DNAH5: variants seen among roughly 807,000 people sequenced by gnomAD.
DNAH5 encodes the protein axonemal beta dynein heavy chain 5.
In DNAH5, 372 loss-of-function variants were observed where a neutral mutation model predicts 518.2. The ratio of observed to expected loss-of-function variants is 0.72; its 90% CI spans 0.66 to 0.78. The LOEUF (loss-of-function observed/expected upper bound fraction) is 0.78. DNAH5 is among the 30% of genes least tolerant of loss of function. The pLI is 0.00. For synonymous variants in DNAH5, 2,039 were observed against 2,025.9 expected (o/e 1.01, Z -0.17); for missense variants, 5,523 against 5,687.0 (o/e 0.97, Z 0.93).
intron 35 of DNAH5, among the ~76,000 whole-genome samples, chr5:13,838,049 A>T (rs1764644845): frequency 2.6e-5 from 4 of 152,060 alleles, no homozygotes; most frequent in Non-Finnish European, 5.9e-5. Flanking sequence ...TCGTCATTGT[A>T]TATTATTGTG....
chr5:13,761,006 G>A (rs537102025), intron 60 of DNAH5, among the ~76,000 whole-genome samples: 1 of 152,196 alleles, frequency 6.6e-6, no homozygotes, highest in Non-Finnish European at 1.5e-5. Context: ...CTAGATACTT[G>A]TAAGAATATA....
At chr5:13,750,706 T>G (rs559571338) in intron 65 of DNAH5, among the ~76,000 whole-genome samples, 2 of 152,298 alleles carry the variant, frequency 1.3e-5, no homozygotes, top group South Asian at 2.1e-4. Flanking sequence ...AACCTAGATG[T>G]GTACTAGAAA....
In DNAH5 at chr5:13,922,657, G is replaced by A. The variant is rs188131275; in HGVS notation, c.439-329C>T. On this transcript the variant is annotated intron_variant, in intron 4 of 78. Coordinates refer to ENST00000265104, the MANE Select transcript of DNAH5 (RefSeq NM_001369.3). ...CAGGAGAAATCGCTTGAATCCAGGAGGCAGAGGCTGCAGTGAGCCAAGATG... is the reference window on the plus strand; with the variant it reads ...CAGGAGAAATCGCTTGAATCCAGGAAGCAGAGGCTGCAGTGAGCCAAGATG... Among the ~76,000 whole-genome samples the A allele has an allele frequency of 7.3e-5, 11 of 150,594 alleles. No individual in the cohort carries two copies. The East Asian group carries it at 1.8e-3, about 24-fold the overall frequency.
intron 55 of DNAH5, among the ~76,000 whole-genome samples, chr5:13,775,277 T>C (rs1408853923): frequency 2.0e-5 from 3 of 152,108 alleles, no homozygotes; most frequent in Non-Finnish European, 4.4e-5. Context: ...TGTTAAAATA[T>C]TCTGTGTTTA....
chr5:13,829,586 C>A lies in DNAH5; in HGVS notation c.6368G>T (p.Gly2123Val). The change falls in exon 38 of 79, where the codon GGC becomes GTC. Residue 2123 changes from glycine (G) to valine (V), a missense_variant. Transcript: ENST00000265104. ...GGCCAAAACAACGTTGTCAATGAAG[C>A]CACAACTAGCCAACTTCACCCTTAT... ...IIIRVKLASCGFIDNVVLARK... is the reference protein window; with the variant it reads ...IIIRVKLASCVFIDNVVLARK... The A allele has an allele frequency of 6.2e-7, 1 of 1,614,168 alleles. No homozygotes were observed.
At chr5:13,699,782 G>A (rs890735305) in intron 78 of DNAH5, among the ~76,000 whole-genome samples, 11 of 152,108 alleles carry the variant, frequency 7.2e-5, no homozygotes, top group African/African-American at 2.7e-4. Context: ...AGAATCTTTT[G>A]TGCTTCTATC....
chr5:13,691,665 G>C lies in DNAH5; in HGVS notation c.*319C>G. On this transcript the variant is annotated 3_prime_UTR_variant, in exon 79 of 79. Coordinates refer to ENST00000265104, the MANE Select transcript of DNAH5 (RefSeq NM_001369.3). ...GAATAATTCCTCCCAGAGAAATACT[G>C]TCTGCTTACCCTAGTCAGTCTTCGG... 3.2e-6 allele frequency: 1 copy of C among 313,716 alleles called. No homozygotes were observed. The highest frequency in any genetic ancestry group is 4.6e-5 in the Admixed American group (1 of 21,508). 19.4% of individuals were successfully genotyped at this position (313,716 alleles called of 1,614,324 possible). A position where few individuals can be genotyped will look rare whatever the true frequency, so the allele number is the denominator to read the frequency against.
At chr5:13,727,361 T>C in intron 70 of DNAH5, 146 bp downstream of exon 70, 1 of 796,554 alleles carries the variant, frequency 1.3e-6, no homozygotes, top group Non-Finnish European at 1.9e-6. Flanking sequence ...TACTTTTCCA[T>C]TTTTCACACA....
At position 13,701,020 on chromosome 5, in the gene DNAH5, A is replaced by G. The variant is rs1742035503; in HGVS notation, c.13492-149T>C. 4.2e-6 allele frequency: 4 copies of G among 962,448 alleles called. No individual in the cohort carries two copies. The South Asian group carries it at 4.3e-5, about 10-fold the overall frequency. The allele number at this position is 962,448 out of a possible 1,614,324, so 59.6% of individuals were successfully genotyped here. A position where few individuals can be genotyped will look rare whatever the true frequency, so the allele number is the denominator to read the frequency against. On this transcript the variant is annotated intron_variant, in intron 77 of 78. Coordinates refer to ENST00000265104, the MANE Select transcript of DNAH5 (RefSeq NM_001369.3). ...GAATTAGCAAGATTCCCTCATTAAA[A>G]AAACCACATCCTAATTGAGCTAGGT...
chr5:13,866,528 C>A (rs757823763), intron 25 of DNAH5, among the ~76,000 whole-genome samples: 9 of 152,136 alleles, frequency 5.9e-5, no homozygotes, highest in Non-Finnish European at 1.2e-4. Flanking sequence ...ATGTATTATT[C>A]ATTTCTTAGG....
chr5:13,960,351 G>A (rs766459357), intron 1 of DNAH5, among the ~76,000 whole-genome samples: 27 of 152,130 alleles, frequency 1.8e-4, no homozygotes, highest in African/African-American at 2.4e-4. Context: ...GGCTCACATC[G>A]TCATCATCTT....
At position 13,692,028 on chromosome 5, in the gene DNAH5, G is replaced by C; in HGVS notation, c.13831C>G (p.His4611Asp). Residue 4611 changes from histidine (H) to aspartate (D), a missense_variant, in exon 79 of 79, where the codon CAC (histidine) becomes GAC (aspartate). Transcript: ENST00000265104. ...AGGGCAACCCCACGGAGCACCCAGT[G>C]TTCAGGGGTCTGGGCTGTCCTGAGA... is the stretch of plus-strand genomic sequence containing the variant. ...VDLRTAQTPE[H>D]WVLRGVALLC... The C allele has an allele frequency of 6.2e-7, 1 of 1,614,118 alleles. No homozygotes were observed. The highest frequency in any genetic ancestry group is 8.5e-7 in the Non-Finnish European group (1 of 1,180,010).
At chr5:13,893,845 T>C (rs2151952382) in intron 16 of DNAH5, among the ~76,000 whole-genome samples, 1 of 147,900 alleles carries the variant, frequency 6.8e-6, no homozygotes, top group African/African-American at 2.5e-5. Context: ...TGGGGAGGAC[T>C]GGGCTATGCA....
At chr5:13,717,279 G>A (rs1269014499) in intron 73 of DNAH5, 36 bp downstream of exon 73, 3 of 1,594,852 alleles carry the variant, frequency 1.9e-6, no homozygotes, top group Non-Finnish European at 2.6e-6. Flanking sequence ...CAAGCCCACA[G>A]CCACTAGAGG....
rs1348800072 is a variant in DNAH5 at position 13,922,119 on chromosome 5, A to T, written c.648T>A (p.Ser216Arg). ...TATTCGTCCTCACCTTCTCCTTCAG[A>T]CTCTCCTGTGCACCCGACAGGACGT... Reference protein sequence around the residue: ...FVNVLSGAQESLKEKVNLRKC... With the variant: ...FVNVLSGAQERLKEKVNLRKC... Residue 216 changes from serine (S) to arginine (R), a missense_variant, in exon 5 of 79, where the codon AGT (serine) becomes AGA (arginine). Transcript: ENST00000265104. 1 of 1,613,556 alleles carries T rather than the reference A, an allele frequency of 6.2e-7. No individual in the cohort carries two copies. Among genetic ancestry groups the T allele is most frequent in the African/African-American group, 1.3e-5 (1 of 74,750 alleles).
At chr5:13,814,050 T>G (rs1210251547) in intron 43 of DNAH5, among the ~76,000 whole-genome samples, 1 of 152,180 alleles carries the variant, frequency 6.6e-6, no homozygotes, top group African/African-American at 2.4e-5. Context: ...AATATAATTT[T>G]GATCAATATA....
At position 13,894,829 on chromosome 5, in the gene DNAH5, G is replaced by A. The variant is rs1279714167; in HGVS notation, c.2260-8C>T. Reference sequence around the variant, plus strand: ...ATATTCAGCTAGCATCATCTGCAATGAAATTGGGGTTAAGTAATCAATTAA... The same window carrying A: ...ATATTCAGCTAGCATCATCTGCAATAAAATTGGGGTTAAGTAATCAATTAA... On this transcript the variant is annotated splice_region_variant and splice_polypyrimidine_tract_variant and intron_variant, in intron 15 of 78. Coordinates refer to ENST00000265104, the MANE Select transcript of DNAH5 (RefSeq NM_001369.3). 3 of 1,612,572 alleles carry A rather than the reference G, an allele frequency of 1.9e-6. No individual in the cohort carries two copies. Among genetic ancestry groups the A allele is most frequent in the Admixed American group, 3.3e-5 (2 of 60,020 alleles).
rs59901467 is a variant in DNAH5, at chr5:13,734,502, T to C, written c.11761+629A>G. Reference sequence around the variant, plus strand: ...GCTTCAGTAGATGCAGAATAAATCATCCACAGGATGAGCTGCACAGGGTCT... The same window carrying C: ...GCTTCAGTAGATGCAGAATAAATCACCCACAGGATGAGCTGCACAGGGTCT... On this transcript the variant is annotated intron_variant, in intron 68 of 78. Transcript: ENST00000265104. Among the ~76,000 whole-genome samples, 1,414 of 152,272 alleles carry C rather than the reference T, an allele frequency of 9.3e-3. 29 individuals carry two copies. Among genetic ancestry groups the C allele is most frequent in the African/African-American group, 0.032 (1,311 of 41,548 alleles).
chr5:13,809,459 A>G (rs1373939087), intron 45 of DNAH5, among the ~76,000 whole-genome samples: 1 of 152,226 alleles, frequency 6.6e-6, no homozygotes, highest in Non-Finnish European at 1.5e-5. Context: ...TGAAATATGT[A>G]TAAAAATACA....
Sources: allele counts gnomAD v4.1 joint callset (sites outside exome capture counted in the v4.1 genomes callset), GRCh38; gene constraint gnomAD v4.1.1; transcripts MANE v1.5; gene names NCBI Gene and HGNC (gene_info 2026-07-23, HGNC 2026-07-21).